The following FAM171A1 variants were observed in gnomAD, a reference collection of about 807,000 sequenced individuals.
The protein encoded by FAM171A1 is protein FAM171A1.
In FAM171A1, 23 loss-of-function variants were observed where a neutral mutation model predicts 74.9. That is an observed-to-expected ratio of 0.31 (90% CI 0.22 to 0.44). The LOEUF is 0.44. FAM171A1 is among the 20% of genes least tolerant of loss of function. The pLI, the probability that FAM171A1 is intolerant of heterozygous loss-of-function variation, is 1.00. For synonymous variants in FAM171A1, 527 were observed against 505.7 expected (o/e 1.04, Z -0.57); for missense variants, 1,162 against 1,159.2 (o/e 1.00, Z -0.03).
intron 5 of FAM171A1, among the ~76,000 whole-genome samples, chr10:15,245,528 G>A (rs529737184): frequency 3.2e-4 from 49 of 152,330 alleles, no homozygotes; most frequent in Non-Finnish European, 6.0e-4. Context: ...TATTGGCTCT[G>A]TTTCTTTAGA....
chr10:15,288,810 A>ATTTTTT (rs1554836621), intron 1 of FAM171A1, among the ~76,000 whole-genome samples: 1 of 76,026 alleles, frequency 1.3e-5, no homozygotes, highest in Non-Finnish European at 2.5e-5. Context: ...TGATTCGGTA[A>ATTTTTT]TTCTTTTTTT....
rs139466810 is a variant in FAM171A1, at chr10:15,211,673, T to G, written c.*1242A>C. The stretch of plus-strand genomic sequence containing the variant: ...CTTTTCTTCAGAGTTTATTTTGAAT[T>G]TTCATTTTTGGATAACCAAGCAGCT... On this transcript the variant is annotated 3_prime_UTR_variant, in exon 8 of 8. Transcript: ENST00000378116. 2.0e-5 allele frequency: 3 copies of G among 152,256 alleles called. No individual in the cohort carries two copies. The highest frequency in any genetic ancestry group is 7.2e-5 in the African/African-American group (3 of 41,564). The allele number at this position is 152,256 out of a possible 1,614,324, so 9.4% of individuals were successfully genotyped here. A position where few individuals can be genotyped will look rare whatever the true frequency, so the allele number is the denominator to read the frequency against.
chr10:15,356,646 G>A (rs1369467495), intron 1 of FAM171A1, among the ~76,000 whole-genome samples: 1 of 152,158 alleles, frequency 6.6e-6, no homozygotes, highest in African/African-American at 2.4e-5. Context: ...TACTGATACA[G>A]TAGTATCAGT....
At chr10:15,229,921 A>C (rs111883608) in intron 5 of FAM171A1, among the ~76,000 whole-genome samples, 1 of 50,446 alleles carries the variant, frequency 2.0e-5, no homozygotes, top group South Asian at 4.3e-4. Context: ...ACCATCACCA[A>C]CATCATCATC....
chr10:15,367,215 CAAACAA>C (rs1564293191), intron 1 of FAM171A1, among the ~76,000 whole-genome samples: 1 of 151,944 alleles, frequency 6.6e-6, no homozygotes, highest in African/African-American at 2.4e-5. Context: ...AACAAACAAA[CAAACAA>C]ACACACACAC....
rs141793270 is a variant in FAM171A1, at chr10:15,287,834, G to A, written c.98-3729C>T. 4.0e-3 allele frequency among the ~76,000 whole-genome samples: 612 copies of A among 152,248 alleles called. 4 individuals are homozygous for A. Among genetic ancestry groups the A allele is most frequent in the African/African-American group, 0.014 (588 of 41,546 alleles). ...TGGTTACATGAGTAAGTTCTTTAGC[G>A]GTGATTTCTGAGATTCTGGTGCGCC... On this transcript the variant is annotated intron_variant, in intron 1 of 7. Coordinates refer to ENST00000378116, the MANE Select transcript of FAM171A1 (RefSeq NM_001010924.2).
At chr10:15,226,081 C>T (rs1036556939) in intron 5 of FAM171A1, among the ~76,000 whole-genome samples, 6 of 152,164 alleles carry the variant, frequency 3.9e-5, no homozygotes, top group Admixed American at 2.0e-4. Flanking sequence ...CTGAGGTGGC[C>T]GCTGGGACTT....
In FAM171A1 at chr10:15,213,184, C is replaced by T. The variant is rs779708676; in HGVS notation, c.2404G>A (p.Gly802Arg). The change falls in exon 8 of 8, where the codon GGG becomes AGG. Residue 802 changes from glycine (G) to arginine (R), a missense_variant. Transcript: ENST00000378116. The surrounding 1 kb of genome is among the most constrained non-coding windows in gnomAD (Gnocchi z 6.8). Reference protein sequence around the residue: ...DDVEQSGSECGTTVCTPEDSA... With the variant: ...DDVEQSGSECRTTVCTPEDSA... ...TCCTCGGGGGTACAGACCGTGGTCCCACATTCGCTACCACTCTGTTCCACG... is the reference window on the plus strand; with the variant it reads ...TCCTCGGGGGTACAGACCGTGGTCCTACATTCGCTACCACTCTGTTCCACG... 50 of 1,614,104 alleles carry T rather than the reference C, an allele frequency of 3.1e-5. No individual in the cohort carries two copies. Among genetic ancestry groups the T allele is most frequent in the Non-Finnish European group, 4.2e-5 (49 of 1,180,036 alleles).
Position 15,370,965 on chromosome 10 carries a change from C to T in FAM171A1, c.88G>A (p.Gly30Arg). Reference protein sequence around the residue: ...VTKTLREPGAGAQEVTLKVHI... With the variant: ...VTKTLREPGARAQEVTLKVHI... ...GCCGCCGCCCACTGACCTTGGGCTC[C>T]GGCGCCGGGCTCCCGCAGCGTCTTG... is the stretch of plus-strand genomic sequence containing the variant. The change falls in exon 1 of 8, where the codon GGA becomes AGA. Residue 30 changes from glycine (G) to arginine (R), a missense_variant. Physicochemically the swap from Gly to Arg is moderately radical, Grantham distance 125. Coordinates refer to ENST00000378116, the MANE Select transcript of FAM171A1 (RefSeq NM_001010924.2). 1 of 1,176,216 alleles carries T rather than the reference C, an allele frequency of 8.5e-7. No individual in the cohort carries two copies. Among genetic ancestry groups the T allele is most frequent in the Non-Finnish European group, 1.1e-6 (1 of 930,164 alleles). 72.9% of individuals were successfully genotyped at this position (1,176,216 alleles called of 1,614,324 possible).
chr10:15,261,830 G>C (rs765333160), intron 3 of FAM171A1, among the ~76,000 whole-genome samples: 9 of 152,154 alleles, frequency 5.9e-5, no homozygotes, highest in Non-Finnish European at 1.2e-4. Flanking sequence ...CCAATCAAGA[G>C]TTTGGGGCCG....
chr10:15,241,863 A>C (rs1226925063), intron 5 of FAM171A1: 1 of 152,150 alleles, frequency 6.6e-6, no homozygotes, highest in Non-Finnish European at 1.5e-5. Context: ...GAAGAACTAA[A>C]ACTTTGTACC....
chr10:15,365,632 T>C (rs61551138), intron 1 of FAM171A1, among the ~76,000 whole-genome samples: 3,791 of 152,026 alleles, frequency 0.025, 158 homozygotes, highest in African/African-American at 0.087. Context: ...TAGCCAGGTG[T>C]GGTAGCATGC....
At chr10:15,356,863 C>T (rs184221449) in intron 1 of FAM171A1, among the ~76,000 whole-genome samples, 2 of 152,032 alleles carry the variant, frequency 1.3e-5, no homozygotes, top group African/African-American at 2.4e-5. Flanking sequence ...CCCAACTACT[C>T]GGGAGGCTGA....
intron 3 of FAM171A1, among the ~76,000 whole-genome samples, chr10:15,257,341 C>T (rs1039295592): frequency 5.3e-5 from 8 of 152,218 alleles, no homozygotes; most frequent in Middle Eastern, 3.4e-3. Flanking sequence ...AAGGGGGAGC[C>T]GGGGAATGGG....
At chr10:15,263,942 T>C (rs962899581) in intron 3 of FAM171A1, among the ~76,000 whole-genome samples, 3 of 151,698 alleles carry the variant, frequency 2.0e-5, no homozygotes, top group Non-Finnish European at 4.4e-5. Context: ...CGTCCATCCA[T>C]CCATCCAACC....
chr10:15,308,799 C>G (rs1240692175), intron 1 of FAM171A1, among the ~76,000 whole-genome samples: 1 of 152,104 alleles, frequency 6.6e-6, no homozygotes, highest in Non-Finnish European at 1.5e-5. Context: ...TCATCACAAG[C>G]AGTAATCAAG....
At chr10:15,215,927 G>A (rs1306143885) in intron 7 of FAM171A1, 69 bp downstream of exon 7, 6 of 943,582 alleles carry the variant, frequency 6.4e-6, no homozygotes, top group Non-Finnish European at 9.3e-6. Context: ...CCATATTAAT[G>A]CTTCTAAGTA....
chr10:15,272,254 T>C (rs1834835952), intron 3 of FAM171A1, among the ~76,000 whole-genome samples: 1 of 151,946 alleles, frequency 6.6e-6, no homozygotes, highest in South Asian at 2.1e-4. Context: ...TAGTCTCTGA[T>C]AAAACAGACT....
chr10:15,317,676 A>G (rs1275707488), intron 1 of FAM171A1, among the ~76,000 whole-genome samples: 1 of 152,198 alleles, frequency 6.6e-6, no homozygotes, highest in African/African-American at 2.4e-5. Context: ...TACAGGCGTG[A>G]GCCACCATGC....
Sources: gnomAD v4.1 joint callset for allele counts (sites outside exome capture counted in the v4.1 genomes callset) on GRCh38, gnomAD v4.1.1 for gene constraint, Gnocchi (gnomAD v3.1) non-coding constraint, MANE v1.5 for transcripts, NCBI Gene and HGNC (gene_info 2026-07-23, HGNC 2026-07-21) for gene names.